Variants in BRINP2 observed in about 807,000 individuals in gnomAD.
The protein encoded by BRINP2 is BMP/retinoic acid inducible neural specific 2, also known as BMP/retinoic acid-inducible neural-specific protein 2.
Under a neutral mutation model 69.2 loss-of-function variants are expected in BRINP2, and 21 were observed. That is an observed-to-expected ratio of 0.30 (90% CI 0.22 to 0.44). The LOEUF (loss-of-function observed/expected upper bound fraction) is 0.44. Ranked by LOEUF, BRINP2 falls within the 20% of genes least tolerant of loss-of-function variation. The pLI is 1.00. For synonymous variants in BRINP2, 380 were observed against 394.1 expected, an observed-to-expected ratio of 0.96 and a Z score of 0.42; for missense variants, 877 against 986.0, an observed-to-expected ratio of 0.89 and a Z score of 1.48.
chr1:177,257,159 C>A lies in BRINP2; in HGVS notation c.461-17C>A. On this transcript the variant is annotated splice_polypyrimidine_tract_variant and intron_variant, in intron 3 of 7. Transcript: ENST00000361539. Reference sequence around the variant, plus strand: ...GAGCAGAGAGCGTCACCAATACACTCGTGTTGTTCACCATAGGAGAAGAGT... The same window carrying A: ...GAGCAGAGAGCGTCACCAATACACTAGTGTTGTTCACCATAGGAGAAGAGT... The A allele has an allele frequency of 1.2e-6, 2 of 1,613,016 alleles. No individual in the cohort carries two copies. Among genetic ancestry groups the A allele is most frequent in the South Asian group, 2.2e-5 (2 of 90,926 alleles).
chr1:177,269,350 T>C (rs1381922267), intron 4 of BRINP2, among the ~76,000 whole-genome samples: 1 of 152,204 alleles, frequency 6.6e-6, no homozygotes, highest in Admixed American at 6.5e-5. Context: ...AGACATCCTG[T>C]CCATAATTCC....
At chr1:177,216,355 C>A (rs1485280215) in intron 1 of BRINP2, among the ~76,000 whole-genome samples, 1 of 152,020 alleles carries the variant, frequency 6.6e-6, no homozygotes, top group African/African-American at 2.4e-5. Context: ...AACAGTTTAG[C>A]TTTGATTGCA....
At chr1:177,234,071 T>G (rs1201941216) in intron 2 of BRINP2, among the ~76,000 whole-genome samples, 2 of 152,192 alleles carry the variant, frequency 1.3e-5, no homozygotes, top group Admixed American at 6.5e-5. Context: ...CAGATCCATC[T>G]CTTAATAGGC....
At chr1:177,190,477 C>CA (rs1648554843) in intron 1 of BRINP2, among the ~76,000 whole-genome samples, 1 of 152,202 alleles carries the variant, frequency 6.6e-6, no homozygotes, top group East Asian at 1.9e-4. Context: ...TGTCAGCCAG[C>CA]AAAAATCTCC....
At chr1:177,222,847 C>A (rs184535932) in intron 1 of BRINP2, among the ~76,000 whole-genome samples, 149 of 152,270 alleles carry the variant, frequency 9.8e-4, no homozygotes, top group Non-Finnish European at 1.7e-3. Flanking sequence ...ATCAGGGGAG[C>A]TCAGTGACTG....
chr1:177,189,750 A>T (rs1470860526), intron 1 of BRINP2, among the ~76,000 whole-genome samples: 3 of 152,194 alleles, frequency 2.0e-5, no homozygotes, highest in South Asian at 4.1e-4. Flanking sequence ...GGAGTAAGAC[A>T]TTGTGCAGCT....
At chr1:177,250,119 T>C (rs10798506) in intron 2 of BRINP2, among the ~76,000 whole-genome samples, 87,849 of 151,902 alleles carry the variant, frequency 0.58, 25,770 homozygotes, top group South Asian at 0.65. Context: ...CTATGTTGCC[T>C]GGGCTGGACT....
At chr1:177,242,138 T>A (rs1650223621) in intron 2 of BRINP2, among the ~76,000 whole-genome samples, 1 of 152,214 alleles carries the variant, frequency 6.6e-6, no homozygotes. Flanking sequence ...TCTCCCCATC[T>A]GAGTTTTGTA....
chr1:177,262,117 AAT>A (rs1650972955), intron 4 of BRINP2, among the ~76,000 whole-genome samples: 1 of 152,144 alleles, frequency 6.6e-6, no homozygotes, highest in Admixed American at 6.5e-5. Context: ...TATGAAGGCA[AAT>A]GGAAAAATGA....
intron 2 of BRINP2, among the ~76,000 whole-genome samples, chr1:177,248,114 C>T (rs568797554): frequency 3.9e-5 from 6 of 152,050 alleles, no homozygotes; most frequent in African/African-American, 7.2e-5. Flanking sequence ...CAGAATAATC[C>T]GGCTGTTCGT....
At chr1:177,201,913 C>T (rs1158391460) in intron 1 of BRINP2, among the ~76,000 whole-genome samples, 1 of 152,132 alleles carries the variant, frequency 6.6e-6, no homozygotes, top group East Asian at 1.9e-4. Context: ...TCAACTTCTT[C>T]CTGGTTTAGT....
Position 177,281,721 on chromosome 1 carries a change from C to CAG in BRINP2, c.*194_*195insGA, listed in dbSNP as rs763161235. ...TACTGCGTGCGTGCGCGCACGCATA[C>CAG]ACACACACACACACACACTGGCACA... is the stretch of plus-strand genomic sequence containing the variant. On this transcript the variant is annotated 3_prime_UTR_variant, in exon 8 of 8. Coordinates refer to ENST00000361539, the MANE Select transcript of BRINP2 (RefSeq NM_021165.4). The CAG allele has an allele frequency of 6.7e-4, 240 of 357,622 alleles. No individual in the cohort carries two copies. The Middle Eastern group carries it at 9.7e-3, about 15-fold the overall frequency. 22.2% of individuals were successfully genotyped at this position (357,622 alleles called of 1,614,324 possible). A position where few individuals can be genotyped will look rare whatever the true frequency, so the allele number is the denominator to read the frequency against.
intron 1 of BRINP2, among the ~76,000 whole-genome samples, chr1:177,181,558 G>A (rs1648249286): frequency 6.6e-6 from 1 of 152,214 alleles, no homozygotes; most frequent in South Asian, 2.1e-4. Flanking sequence ...AGGTGGGGAT[G>A]CAGAGGGAGG....
chr1:177,230,812 C>T (rs1649843856), intron 2 of BRINP2, among the ~76,000 whole-genome samples: 2 of 152,208 alleles, frequency 1.3e-5, no homozygotes, highest in Non-Finnish European at 2.9e-5. Context: ...ATAGAGTGCT[C>T]CTCCACGTGC....
Position 177,189,914 on chromosome 1 carries a change from T to C in BRINP2, c.-77+18182T>C, listed in dbSNP as rs573523192. On this transcript the variant is annotated intron_variant, in intron 1 of 7. Transcript: ENST00000361539. The stretch of plus-strand genomic sequence containing the variant: ...AAGGAAAGGGGTGTATGTGGGACAC[T>C]GATCACATCATCAGTGTGCTCTCAG... Among the ~76,000 whole-genome samples, 5 of 152,340 alleles carry C rather than the reference T, an allele frequency of 3.3e-5. No individual in the cohort carries two copies. The East Asian group carries it at 9.6e-4, about 29-fold the overall frequency.
intron 4 of BRINP2, among the ~76,000 whole-genome samples, chr1:177,261,078 TCAGAGACAAAGGA>T (rs1650934086): frequency 6.6e-6 from 1 of 151,710 alleles, no homozygotes; most frequent in South Asian, 2.1e-4. Flanking sequence ...GCCCCAAACA[TCAGAGACAAAGGA>T]CAGAACAGGT....
chr1:177,215,057 A>G (rs750743117), intron 1 of BRINP2, among the ~76,000 whole-genome samples: 1 of 152,210 alleles, frequency 6.6e-6, no homozygotes, highest in Non-Finnish European at 1.5e-5. Context: ...TCATCTCCCC[A>G]GTCTCCCCAG....
chr1:177,249,845 T>A (rs1018790614), intron 2 of BRINP2, among the ~76,000 whole-genome samples: 20 of 152,210 alleles, frequency 1.3e-4, no homozygotes, highest in African/African-American at 4.3e-4. Flanking sequence ...TAAGCACATT[T>A]TTACCACTTT....
chr1:177,241,679 A>G (rs916831395), intron 2 of BRINP2, among the ~76,000 whole-genome samples: 4 of 152,138 alleles, frequency 2.6e-5, no homozygotes, highest in East Asian at 1.9e-4. Flanking sequence ...TCACATTTCA[A>G]AGTACTCAAG....
Sources: allele counts gnomAD v4.1 joint callset (sites outside exome capture counted in the v4.1 genomes callset), GRCh38; gene constraint gnomAD v4.1.1; transcripts MANE v1.5; gene names NCBI Gene and HGNC (gene_info 2026-07-23, HGNC 2026-07-21).